Variants in OPCML observed in about 807,000 individuals in gnomAD.
The protein encoded by OPCML is opioid-binding protein/cell adhesion molecule.
OPCML carries 13 observed loss-of-function variants against 37.8 expected under a neutral mutation model. The ratio of observed to expected loss-of-function variants is 0.34; its 90% CI spans 0.22 to 0.55. OPCML has a LOEUF of 0.55. Among genes scored for constraint, OPCML ranks in the 20% least tolerant of loss-of-function variants. The pLI, the probability that OPCML is intolerant of heterozygous loss-of-function variation, is 0.91. For missense variants in OPCML, 341 were observed against 435.6 expected (o/e 0.78, Z 1.93); for synonymous variants, 176 against 168.8 (o/e 1.04, Z -0.33).
chr11:133,490,439 C>T lies in OPCML; in HGVS notation c.61+41825G>A, dbSNP rs78338123. On this transcript the variant is annotated intron_variant, in intron 1 of 7. Transcript: ENST00000524381. ...ATATTCTGTAAGACATAAATTGATA[C>T]AGCCATCAGTGAAGCATGTGGAGGC... Among the ~76,000 whole-genome samples the T allele has an allele frequency of 5.7e-4, 87 of 152,258 alleles. 3 individuals are homozygous for T. In the East Asian group the frequency reaches 0.016, roughly 29 times the overall value.
intron 1 of OPCML, among the ~76,000 whole-genome samples, chr11:133,258,718 G>A (rs1163208382): frequency 2.6e-5 from 4 of 152,048 alleles, no homozygotes; most frequent in African/African-American, 7.2e-5. Context: ...CTCTGTCACC[G>A]TGGCCCCCTC....
At chr11:132,569,951 GA>G (rs35386323) in intron 3 of OPCML, among the ~76,000 whole-genome samples, 492 of 142,650 alleles carry the variant, frequency 3.4e-3, no homozygotes, top group African/African-American at 0.012. Context: ...TGCATTCAGT[GA>G]AAAAAAAAAA....
At chr11:132,736,638 A>G (rs1265126632) in intron 2 of OPCML, among the ~76,000 whole-genome samples, 1 of 152,200 alleles carries the variant, frequency 6.6e-6, no homozygotes, top group African/African-American at 2.4e-5. Context: ...TCTTTCTTAG[A>G]TCACTGCCAT....
chr11:133,456,828 C>G (rs1007065183), intron 1 of OPCML, among the ~76,000 whole-genome samples: 1 of 150,236 alleles, frequency 6.7e-6, no homozygotes, highest in Non-Finnish European at 1.5e-5. Flanking sequence ...GATTTGAAAT[C>G]ATCAACTCTG....
At chr11:132,814,977 G>A (rs1018064156) in intron 2 of OPCML, among the ~76,000 whole-genome samples, 1 of 152,088 alleles carries the variant, frequency 6.6e-6, no homozygotes, top group Non-Finnish European at 1.5e-5. Flanking sequence ...ATAAGTTACA[G>A]TAAATCACCG....
intron 1 of OPCML, among the ~76,000 whole-genome samples, chr11:133,105,483 G>A (rs1206315411): frequency 6.6e-6 from 1 of 152,202 alleles, no homozygotes; most frequent in Non-Finnish European, 1.5e-5. Context: ...GAATTGAAAT[G>A]AGCAGAAATC....
chr11:132,650,298 C>T (rs1392918122), intron 3 of OPCML, among the ~76,000 whole-genome samples: 1 of 152,190 alleles, frequency 6.6e-6, no homozygotes, highest in Non-Finnish European at 1.5e-5. Flanking sequence ...TCACACCAAC[C>T]TAGTAATTGT....
intron 2 of OPCML, among the ~76,000 whole-genome samples, chr11:132,700,188 T>C (rs2135919025): frequency 6.6e-6 from 1 of 152,196 alleles, no homozygotes; most frequent in South Asian, 2.1e-4. Context: ...ATTTCAGTCT[T>C]CTCTTTTTTT....
At chr11:133,214,822 T>C (rs1939516040) in intron 1 of OPCML, among the ~76,000 whole-genome samples, 1 of 152,188 alleles carries the variant, frequency 6.6e-6, no homozygotes, top group African/African-American at 2.4e-5. Flanking sequence ...AGATGTGACC[T>C]AACTGATTTT....
chr11:133,160,453 T>C (rs1950126708), intron 1 of OPCML, among the ~76,000 whole-genome samples: 1 of 152,208 alleles, frequency 6.6e-6, no homozygotes, highest in Non-Finnish European at 1.5e-5. Context: ...ATTGGACAGA[T>C]TGTTCTGGAA....
intron 2 of OPCML, among the ~76,000 whole-genome samples, chr11:132,935,739 T>A (rs1945347211): frequency 6.6e-6 from 1 of 152,210 alleles, no homozygotes; most frequent in Admixed American, 6.5e-5. Flanking sequence ...AGTCTTAAAT[T>A]AAAATGTGAA....
chr11:132,979,095 A>C (rs979945396), intron 1 of OPCML, among the ~76,000 whole-genome samples: 3 of 152,106 alleles, frequency 2.0e-5, no homozygotes, highest in Non-Finnish European at 4.4e-5. Context: ...GCCCATCAAC[A>C]ACCACTGCCA....
chr11:133,408,443 T>C (rs1412759187), intron 1 of OPCML, among the ~76,000 whole-genome samples: 2 of 152,242 alleles, frequency 1.3e-5, no homozygotes, highest in Admixed American at 1.3e-4. Flanking sequence ...CCTCATGGTT[T>C]ATTGTCATGC....
At chr11:132,641,376 G>A (rs545121626) in intron 3 of OPCML, among the ~76,000 whole-genome samples, 27 of 152,286 alleles carry the variant, frequency 1.8e-4, no homozygotes, top group African/African-American at 6.0e-4. Context: ...TAAGGCAGGT[G>A]CAAGAGATCC....
chr11:132,848,615 G>T (rs1012566222), intron 2 of OPCML, among the ~76,000 whole-genome samples: 1 of 152,178 alleles, frequency 6.6e-6, no homozygotes, highest in East Asian at 1.9e-4. Flanking sequence ...TTCATGACTG[G>T]ACCAAATTCG....
chr11:133,114,289 G>C (rs1949299030), intron 1 of OPCML, among the ~76,000 whole-genome samples: 1 of 152,152 alleles, frequency 6.6e-6, no homozygotes, highest in African/African-American at 2.4e-5. Context: ...CCCCATCCCA[G>C]TCAGTGCCAA....
At chr11:132,662,888 T>A (rs1397862326) in intron 2 of OPCML, among the ~76,000 whole-genome samples, 1 of 152,262 alleles carries the variant, frequency 6.6e-6, no homozygotes, top group African/African-American at 2.4e-5. Flanking sequence ...TCACAAATGG[T>A]GTCCTCATAT....
chr11:133,246,406 G>A (rs1940927862), intron 1 of OPCML, among the ~76,000 whole-genome samples: 1 of 152,206 alleles, frequency 6.6e-6, no homozygotes, highest in Admixed American at 6.5e-5. Flanking sequence ...TGTAACACAT[G>A]TTAGTTTGGA....
At chr11:133,268,596 T>C (rs1277079764) in intron 1 of OPCML, among the ~76,000 whole-genome samples, 1 of 152,208 alleles carries the variant, frequency 6.6e-6, no homozygotes, top group Admixed American at 6.5e-5. Flanking sequence ...GTAAAATCAG[T>C]GTGTTTTCAT....
Sources: allele counts gnomAD v4.1 joint callset (sites outside exome capture counted in the v4.1 genomes callset), GRCh38; gene constraint gnomAD v4.1.1; transcripts MANE v1.5; gene names NCBI Gene and HGNC (gene_info 2026-07-23, HGNC 2026-07-21).